SLC28A3: variants seen among roughly 807,000 people sequenced by gnomAD.
SLC28A3 encodes concentrative Na(+)-nucleoside cotransporter 3.
In SLC28A3, 68 loss-of-function variants were observed where a neutral mutation model predicts 84.2. That is an observed-to-expected ratio of 0.81 (90% CI 0.66 to 0.99). The LOEUF (loss-of-function observed/expected upper bound fraction) is 0.99. Among genes scored for constraint, SLC28A3 ranks in the 50% least tolerant of loss-of-function variants. SLC28A3 has a pLI of 0.00. For synonymous variants in SLC28A3, 267 were observed against 303.6 expected, an observed-to-expected ratio of 0.88 and a Z score of 1.25; for missense variants, 712 against 841.5, an observed-to-expected ratio of 0.85 and a Z score of 1.90.
intron 5 of SLC28A3, 41 bp downstream of exon 5, chr9:84,302,159 C>G: frequency 6.3e-7 from 1 of 1,591,084 alleles, no homozygotes; most frequent in Non-Finnish European, 8.6e-7. Flanking sequence ...GAAAGGACTA[C>G]TATCTCTCTT....
rs367667794 is a variant in SLC28A3, at chr9:84,302,241, A to G, written c.483T>C (p.Pro161=). The G allele has an allele frequency of 3.3e-5, 53 of 1,614,080 alleles. No homozygotes were observed. The highest frequency in any genetic ancestry group is 4.5e-5 in the East Asian group (2 of 44,892). Residue 161 remains proline, a synonymous_variant, in exon 5 of 18, where the codon CCT becomes CCC. Transcript: ENST00000376238. ...YEHRIDEMLS[P]GRRLLNSHWF... is the part of the protein sequence containing the mutation. ...AATGGCTGTTTAGAAGCCTTCTGCCAGGAGACAGCATCTCATCAATTCGAT... is the reference window on the plus strand; with the variant it reads ...AATGGCTGTTTAGAAGCCTTCTGCCGGGAGACAGCATCTCATCAATTCGAT...
intron 1 of SLC28A3, among the ~76,000 whole-genome samples, chr9:84,334,581 G>C (rs375213661): frequency 3.0e-4 from 46 of 151,654 alleles, no homozygotes; most frequent in African/African-American, 1.1e-3. Context: ...CTTATAAGTT[G>C]TATATTTGTT....
upstream of SLC28A3, among the ~76,000 whole-genome samples, chr9:84,344,945 TC>T (rs1368032826): frequency 6.6e-6 from 1 of 152,212 alleles, no homozygotes; most frequent in African/African-American, 2.4e-5. Context: ...TCTTAGGGCC[TC>T]CCAAGGGTTG....
At chr9:84,320,744 C>T (rs1564170943) in intron 1 of SLC28A3, among the ~76,000 whole-genome samples, 2 of 152,100 alleles carry the variant, frequency 1.3e-5, no homozygotes, top group African/African-American at 2.4e-5. Context: ...AATCCTAGCA[C>T]TTTCGGAGGC....
At chr9:84,321,603 A>G (rs1049850989) in intron 1 of SLC28A3, among the ~76,000 whole-genome samples, 7 of 151,536 alleles carry the variant, frequency 4.6e-5, no homozygotes, top group Admixed American at 2.0e-4. Flanking sequence ...GCGTGGTGGC[A>G]GGCGCCTGTA....
chr9:84,295,608 AAAC>A (rs1461151405), intron 8 of SLC28A3, among the ~76,000 whole-genome samples: 1 of 147,508 alleles, frequency 6.8e-6, no homozygotes, highest in African/African-American at 2.7e-5. Context: ...CAAACAAACA[AAAC>A]AAACAAACAA....
chr9:84,362,593 C>G, the SLC28A3 span, among the ~76,000 whole-genome samples: 10 of 151,620 alleles, frequency 6.6e-5, no homozygotes, highest in East Asian at 1.9e-3. Flanking sequence ...GATCGGGCCA[C>G]TGCCCTTATA....
chr9:84,362,896 A>C, the SLC28A3 span, among the ~76,000 whole-genome samples: 1 of 152,084 alleles, frequency 6.6e-6, no homozygotes, highest in African/African-American at 2.4e-5. Flanking sequence ...CTCTTGTATT[A>C]ATACATTAAA....
chr9:84,321,462 A>G lies in SLC28A3; in HGVS notation c.61-8008T>C, dbSNP rs201228409. 9.2e-5 allele frequency among the ~76,000 whole-genome samples: 14 copies of G among 152,100 alleles called. No homozygotes were observed. The East Asian group carries it at 2.1e-3, about 23-fold the overall frequency. On this transcript the variant is annotated intron_variant, in intron 1 of 17. Transcript: ENST00000376238. The stretch of plus-strand genomic sequence containing the variant: ...TTAAGAAACATTATAGGCGGGGCGC[A>G]GTGGCTCACGCCTGTAATCCCAGCA...
intron 14 of SLC28A3, among the ~76,000 whole-genome samples, chr9:84,281,371 T>C (rs1037469560): frequency 3.9e-5 from 6 of 152,286 alleles, no homozygotes; most frequent in African/African-American, 1.4e-4. Context: ...ACAAAAGCTA[T>C]GCAAATAACA....
the SLC28A3 span, among the ~76,000 whole-genome samples, chr9:84,366,967 C>T: frequency 6.6e-6 from 1 of 152,172 alleles, no homozygotes; most frequent in Non-Finnish European, 1.5e-5. Flanking sequence ...TGTGTCCTTC[C>T]CTTCAGGTCA....
intron 15 of SLC28A3, 141 bp downstream of exon 15, chr9:84,280,660 A>G (rs1824712815): frequency 1.3e-6 from 1 of 773,712 alleles, no homozygotes; most frequent in Non-Finnish European, 2.1e-6. Flanking sequence ...TGCAGACTAG[A>G]GATTAAAAAA....
intron 6 of SLC28A3, among the ~76,000 whole-genome samples, chr9:84,299,250 A>AT (rs1213380469): frequency 6.6e-6 from 1 of 152,274 alleles, no homozygotes; most frequent in East Asian, 1.9e-4. Flanking sequence ...GGACTATTAG[A>AT]TTTTTTACTG....
rs144799358 is a variant in SLC28A3 at position 84,284,784 on chromosome 9, C to A, written c.1647+561G>T. ...TTATGGGTGCTTGTCTCAAGGCTTT[C>A]AGATCACAGACTCTGAGCCTTTTCT... On this transcript the variant is annotated intron_variant, in intron 14 of 17. Coordinates refer to ENST00000376238, the MANE Select transcript of SLC28A3 (RefSeq NM_001199633.2). 9.8e-5 allele frequency among the ~76,000 whole-genome samples: 15 copies of A among 152,312 alleles called. No individual in the cohort carries two copies. The East Asian group carries it at 2.9e-3, about 29-fold the overall frequency.
chr9:84,287,200 C>G (rs562452106), intron 12 of SLC28A3, among the ~76,000 whole-genome samples: 1 of 152,180 alleles, frequency 6.6e-6, no homozygotes, highest in East Asian at 1.9e-4. Context: ...TTGTGCAAGT[C>G]TGCACACTGA....
At chr9:84,313,990 C>T (rs11140511) in intron 1 of SLC28A3, among the ~76,000 whole-genome samples, 1 of 151,800 alleles carries the variant, frequency 6.6e-6, no homozygotes, top group Non-Finnish European at 1.5e-5. Flanking sequence ...GCCCTCATCT[C>T]GGCCTGATAA....
chr9:84,297,415 G>A (rs1252746497), intron 7 of SLC28A3, 117 bp from the exon 8 acceptor site: 2 of 734,140 alleles, frequency 2.7e-6, no homozygotes, highest in African/African-American at 3.5e-5. Flanking sequence ...GATAGACTTG[G>A]AAAGTTAATG....
intron 1 of SLC28A3, among the ~76,000 whole-genome samples, chr9:84,313,852 C>G (rs7866821): frequency 0.8 from 117,808 of 147,864 alleles, 47,813 homozygotes; most frequent in East Asian, 1. Flanking sequence ...CTGGGAGACA[C>G]AGCAAGACTC....
chr9:84,365,464 G>A, the SLC28A3 span, among the ~76,000 whole-genome samples: 6 of 151,906 alleles, frequency 3.9e-5, no homozygotes, highest in African/African-American at 1.5e-4. Flanking sequence ...TCACTTTGTT[G>A]CTATTTTTCC....
Sources: gnomAD v4.1 joint callset for allele counts (sites outside exome capture counted in the v4.1 genomes callset) on GRCh38, gnomAD v4.1.1 for gene constraint, MANE v1.5 for transcripts, NCBI Gene and HGNC (gene_info 2026-07-23, HGNC 2026-07-21) for gene names.